ASIC2: variants seen among roughly 807,000 people sequenced by gnomAD.
ASIC2 encodes acid-sensing ion channel 2.
In ASIC2, 25 loss-of-function variants were observed where a neutral mutation model predicts 57.3. The observed-to-expected ratio is 0.44, with a 90% CI of 0.32 to 0.61. The LOEUF is 0.61. Among genes scored for constraint, ASIC2 ranks in the 20% least tolerant of loss-of-function variants. ASIC2 has a pLI of 0.06. For synonymous variants in ASIC2, 319 were observed against 307.5 expected (o/e 1.04, Z -0.39); for missense variants, 641 against 738.1 (o/e 0.87, Z 1.52).
rs1039152362 is a variant in ASIC2 at position 33,824,234 on chromosome 17, G to A, written c.555+331744C>T. On this transcript the variant is annotated intron_variant, in intron 1 of 9. Transcript: ENST00000359872. ...CAGGCGGGCCTATATACTAAGATTG[G>A]AAGCACTTATTAAGATAGGTAACTC... Among the ~76,000 whole-genome samples the A allele has an allele frequency of 5.9e-5, 9 of 152,236 alleles. No homozygotes were observed. The East Asian group carries it at 1.5e-3, about 26-fold the overall frequency.
chr17:33,257,467 G>C (rs140498359), intron 1 of ASIC2, among the ~76,000 whole-genome samples: 1 of 152,208 alleles, frequency 6.6e-6, no homozygotes. Flanking sequence ...GTATATAGGC[G>C]AAGTGGCTGT....
At chr17:33,694,439 T>C (rs898689900) in intron 1 of ASIC2, among the ~76,000 whole-genome samples, 7 of 152,220 alleles carry the variant, frequency 4.6e-5, no homozygotes, top group African/African-American at 1.7e-4. Context: ...CTGAACTTCT[T>C]GTGATTTCCC....
rs1905502045 is a variant in ASIC2 at position 33,292,129 on chromosome 17, G to A, written c.-14C>T. The stretch of plus-strand genomic sequence containing the variant: ...AATCCGGCTCATTCATTCAGCCCGC[G>A]GCTGGCGGCAGCGGCGGCGGCCCCG... On this transcript the variant is annotated 5_prime_UTR_variant, in exon 1 of 10. Transcript: ENST00000225823. The A allele has an allele frequency of 1.9e-6, 2 of 1,037,876 alleles. No homozygotes were observed. The highest frequency in any genetic ancestry group is 1.6e-4 in the East Asian group (2 of 12,224). 64.3% of individuals were successfully genotyped at this position (1,037,876 alleles called of 1,614,324 possible).
intron 1 of ASIC2, among the ~76,000 whole-genome samples, chr17:33,360,636 G>T (rs1055137198): frequency 6.0e-4 from 92 of 152,232 alleles, no homozygotes; most frequent in Non-Finnish European, 8.8e-5. Flanking sequence ...TACTTTTCAG[G>T]TTTTCTTAAA....
intron 1 of ASIC2, among the ~76,000 whole-genome samples, chr17:33,401,880 T>A (rs1431225087): frequency 6.6e-6 from 1 of 152,140 alleles, no homozygotes; most frequent in Non-Finnish European, 1.5e-5. Context: ...GAAATTAAGT[T>A]ATGCGAGGTC....
chr17:33,028,224 C>T lies in ASIC2; in HGVS notation c.1138+18G>A, dbSNP rs747350955. 5 of 1,613,042 alleles carry T rather than the reference C, an allele frequency of 3.1e-6. No homozygotes were observed. The highest frequency in any genetic ancestry group is 3.4e-6 in the Non-Finnish European group (4 of 1,179,680). ...GGCAGATCCCAGGGCCCTGTGGCCA[C>T]CCTGCCCTGGCACTGACCTGGCATG... On this transcript the variant is annotated intron_variant, in intron 4 of 9. Coordinates refer to ENST00000225823, the MANE Select transcript of ASIC2 (RefSeq NM_183377.2).
intron 1 of ASIC2, among the ~76,000 whole-genome samples, chr17:33,207,712 C>G (rs931813594): frequency 3.3e-5 from 5 of 152,214 alleles, no homozygotes; most frequent in Non-Finnish European, 5.9e-5. Flanking sequence ...CAAGGGCTCT[C>G]TCTGACAGCC....
chr17:33,132,401 C>A (rs1461304554), intron 1 of ASIC2, among the ~76,000 whole-genome samples: 2 of 152,116 alleles, frequency 1.3e-5, no homozygotes, highest in Admixed American at 1.3e-4. Flanking sequence ...GTGAGTAGGT[C>A]CCCAAGGGTC....
At chr17:33,772,424 T>G (rs1022859357) in intron 1 of ASIC2, among the ~76,000 whole-genome samples, 1 of 152,214 alleles carries the variant, frequency 6.6e-6, no homozygotes, top group East Asian at 1.9e-4. Context: ...TTTCCCTGTA[T>G]GTTTGGGTCT....
intron 1 of ASIC2, among the ~76,000 whole-genome samples, chr17:33,174,215 A>G (rs985562456): frequency 1.3e-5 from 2 of 152,110 alleles, no homozygotes; most frequent in Non-Finnish European, 2.9e-5. Context: ...TGAGGTCAGG[A>G]GTTTGAGACT....
intron 1 of ASIC2, among the ~76,000 whole-genome samples, chr17:33,146,104 A>T (rs2142023590): frequency 1.3e-5 from 2 of 152,364 alleles, no homozygotes; most frequent in South Asian, 4.1e-4. Context: ...GGCCCCAGGC[A>T]GGTGCTATAT....
At chr17:33,815,681 C>T (rs2141889079) in intron 1 of ASIC2, among the ~76,000 whole-genome samples, 1 of 152,282 alleles carries the variant, frequency 6.6e-6, no homozygotes, top group East Asian at 1.9e-4. Flanking sequence ...TGGATACCAG[C>T]TTATTACCAC....
intron 1 of ASIC2, among the ~76,000 whole-genome samples, chr17:34,124,705 C>A (rs1390565966): frequency 6.6e-6 from 1 of 152,126 alleles, no homozygotes; most frequent in Non-Finnish European, 1.5e-5. Flanking sequence ...TCTTGGGGGC[C>A]CCCTTCCCAG....
At chr17:33,999,023 T>G (rs1906249488) in intron 1 of ASIC2, among the ~76,000 whole-genome samples, 2 of 152,166 alleles carry the variant, frequency 1.3e-5, no homozygotes, top group African/African-American at 4.8e-5. Flanking sequence ...AATATTTCCT[T>G]CATATATTTA....
intron 1 of ASIC2, among the ~76,000 whole-genome samples, chr17:33,924,293 C>T (rs914095849): frequency 1.3e-5 from 2 of 152,194 alleles, no homozygotes; most frequent in African/African-American, 2.4e-5. Flanking sequence ...GCTTGCAGAG[C>T]GGGCTTGCAA....
intron 1 of ASIC2, among the ~76,000 whole-genome samples, chr17:33,233,456 C>T (rs747506466): frequency 1.3e-4 from 19 of 151,916 alleles, no homozygotes; most frequent in South Asian, 2.1e-4. Context: ...CACATACACA[C>T]GAACTCTTTC....
intron 1 of ASIC2, among the ~76,000 whole-genome samples, chr17:33,802,787 T>A (rs1912167526): frequency 6.6e-6 from 1 of 152,258 alleles, no homozygotes; most frequent in South Asian, 2.1e-4. Flanking sequence ...TGTTACTGAC[T>A]CTTCAGCTTC....
At chr17:33,815,914 C>T (rs1256393560) in intron 1 of ASIC2, among the ~76,000 whole-genome samples, 1 of 152,066 alleles carries the variant, frequency 6.6e-6, no homozygotes, top group Non-Finnish European at 1.5e-5. Flanking sequence ...TATGATATGC[C>T]AAATCCAGGG....
intron 2 of ASIC2, among the ~76,000 whole-genome samples, chr17:33,103,973 G>A (rs915881423): frequency 6.6e-6 from 1 of 152,150 alleles, no homozygotes; most frequent in East Asian, 1.9e-4. Context: ...CCTGTCTTCA[G>A]CAGTATCTTA....
Sources: gnomAD v4.1 joint callset for allele counts (sites outside exome capture counted in the v4.1 genomes callset) on GRCh38, gnomAD v4.1.1 for gene constraint, MANE v1.5 for transcripts, NCBI Gene and HGNC (gene_info 2026-07-23, HGNC 2026-07-21) for gene names.